The following FSIP1 variants were observed in gnomAD, a reference collection of about 807,000 sequenced individuals.
FSIP1 encodes fibrous sheath-interacting protein 1.
FSIP1 carries 65 observed loss-of-function variants against 60.9 expected under a neutral mutation model. That is an observed-to-expected ratio of 1.07 (90% CI 0.87 to 1.31). FSIP1 has a LOEUF of 1.31. Among genes scored for constraint, FSIP1 ranks in the 40% most tolerant of loss-of-function variants. The pLI is 0.00. For synonymous variants in FSIP1, 209 were observed against 221.2 expected, an observed-to-expected ratio of 0.94 and a Z score of 0.49; for missense variants, 675 against 665.5, an observed-to-expected ratio of 1.01 and a Z score of -0.16.
intron 10 of FSIP1, among the ~76,000 whole-genome samples, chr15:39,687,924 T>C (rs907559578): frequency 4.6e-5 from 7 of 152,136 alleles, no homozygotes; most frequent in Admixed American, 1.3e-4. Context: ...ATGAGATTCT[T>C]AAAGGAATCT....
At chr15:39,609,926 T>C (rs1207948265) in intron 11 of FSIP1, among the ~76,000 whole-genome samples, 1 of 152,206 alleles carries the variant, frequency 6.6e-6, no homozygotes, top group African/African-American at 2.4e-5. Context: ...GGTGTACCTG[T>C]CTGGGGTTGT....
chr15:39,702,029 G>A (rs2664131), intron 10 of FSIP1, among the ~76,000 whole-genome samples: 124,306 of 152,100 alleles, frequency 0.82, 51,217 homozygotes, highest in Non-Finnish European at 0.87. Flanking sequence ...CTCAAACCCA[G>A]AGCCTACCTT....
In FSIP1 at chr15:39,600,568, C is replaced by T. The variant is rs139063496; in HGVS notation, c.*312G>A. The T allele has an allele frequency of 2.2e-4, 47 of 215,416 alleles. 1 individual carries two copies. In the East Asian group the frequency reaches 5.6e-3, roughly 26 times the overall value. 13.3% of individuals were successfully genotyped at this position (215,416 alleles called of 1,614,324 possible). On this transcript the variant is annotated 3_prime_UTR_variant, in exon 12 of 12. Transcript: ENST00000350221. ...AAAATTGAATACAGGACAATCACAG[C>T]ACTTCAACGAGTTTTACCCTAACAC...
In FSIP1 at chr15:39,647,748, T is replaced by TA. The variant is rs550091844; in HGVS notation, c.1189-29504dup. Among the ~76,000 whole-genome samples the TA allele has an allele frequency of 1.8e-3, 271 of 147,058 alleles. 2 individuals are homozygous for TA. The highest frequency in any genetic ancestry group is 0.018 in the Middle Eastern group (5 of 282). On this transcript the variant is annotated intron_variant, in intron 10 of 11. Coordinates refer to ENST00000350221, the MANE Select transcript of FSIP1 (RefSeq NM_152597.5). ...ACCATGAATAGGAGAGGGAAGGCAT[T>TA]AAAAAAAAAAGACTTCTTAAGGTCA...
rs540022333 is a variant in FSIP1 at position 39,672,802 on chromosome 15, T to C, written c.1188+40642A>G. Among the ~76,000 whole-genome samples, 73 of 152,276 alleles carry C rather than the reference T, an allele frequency of 4.8e-4. 1 individual carries two copies. Among genetic ancestry groups the C allele is most frequent in the African/African-American group, 1.6e-3 (68 of 41,542 alleles). Reference sequence around the variant, plus strand: ...TTTCATTCCAAATGTTCATAATCACTGTAATCTGTTCCAAGTGTCCTCCCA... The same window carrying C: ...TTTCATTCCAAATGTTCATAATCACCGTAATCTGTTCCAAGTGTCCTCCCA... On this transcript the variant is annotated intron_variant, in intron 10 of 11. Transcript: ENST00000350221.
At chr15:39,710,412 T>C (rs941871738) in intron 10 of FSIP1, among the ~76,000 whole-genome samples, 3 of 146,652 alleles carry the variant, frequency 2.0e-5, no homozygotes, top group Admixed American at 6.8e-5. Flanking sequence ...GCACTCCAAC[T>C]TGGGCGACAG....
chr15:39,682,098 A>G (rs1176961925), intron 10 of FSIP1, among the ~76,000 whole-genome samples: 4 of 152,194 alleles, frequency 2.6e-5, no homozygotes, highest in African/African-American at 4.8e-5. Flanking sequence ...TGCAAATAAA[A>G]TGGTCTCAAT....
Position 39,667,301 on chromosome 15 carries a change from A to G in FSIP1, c.1188+46143T>C, listed in dbSNP as rs569476715. Among the ~76,000 whole-genome samples the G allele has an allele frequency of 5.9e-5, 9 of 152,336 alleles. No homozygotes were observed. The South Asian group carries it at 1.9e-3, about 32-fold the overall frequency. ...CATACACTATAATATCATGAAGAGT[A>G]CAAAGCTTAAAAAAAGAATTTAAGT... On this transcript the variant is annotated intron_variant, in intron 10 of 11. Transcript: ENST00000350221.
rs769816459 is a variant in FSIP1, at chr15:39,738,172, A to G, written c.810T>C (p.Val270=). 9 of 1,612,494 alleles carry G rather than the reference A, an allele frequency of 5.6e-6. No homozygotes were observed. The highest frequency in any genetic ancestry group is 7.6e-6 in the Non-Finnish European group (9 of 1,179,308). The change falls in exon 8 of 12, where the codon GTT becomes GTC. Residue 270 remains valine, a synonymous_variant. Transcript: ENST00000350221. ...ELAKESRNPV[V]MVDREKKRLV... is the part of the protein sequence containing the mutation. ...GCCTTTTCTTCTCTCTGTCAACCAT[A>G]ACCACTGGGTTTCTTGATTCCTTGG...
chr15:39,653,128 A>T (rs1892939931), intron 10 of FSIP1, among the ~76,000 whole-genome samples: 1 of 149,168 alleles, frequency 6.7e-6, no homozygotes, highest in Non-Finnish European at 1.5e-5. Context: ...GTGAGTGGAG[A>T]CCACGCCAGT....
At chr15:39,689,288 T>C (rs948120904) in intron 10 of FSIP1, among the ~76,000 whole-genome samples, 1 of 152,124 alleles carries the variant, frequency 6.6e-6, no homozygotes, top group East Asian at 1.9e-4. Flanking sequence ...CCAAAAGCTC[T>C]CCAAAACCCA....
chr15:39,629,268 G>A (rs765056552), intron 10 of FSIP1, among the ~76,000 whole-genome samples: 1 of 152,140 alleles, frequency 6.6e-6, no homozygotes, highest in Non-Finnish European at 1.5e-5. Context: ...GTAAAGATTG[G>A]CATGTGATTC....
At chr15:39,619,845 A>C (rs1430831336) in intron 10 of FSIP1, among the ~76,000 whole-genome samples, 1 of 152,124 alleles carries the variant, frequency 6.6e-6, no homozygotes, top group Non-Finnish European at 1.5e-5. Flanking sequence ...TTATGATGAA[A>C]TTTTTAGACA....
At chr15:39,741,680 G>A in intron 6 of FSIP1, 125 bp downstream of exon 6, 1 of 560,774 alleles carries the variant, frequency 1.8e-6, no homozygotes, top group East Asian at 2.9e-5. Flanking sequence ...GTGTCATCTT[G>A]AACTCTACTT....
At chr15:39,662,935 C>A (rs1893357935) in intron 10 of FSIP1, among the ~76,000 whole-genome samples, 1 of 152,062 alleles carries the variant, frequency 6.6e-6, no homozygotes, top group African/African-American at 2.4e-5. Flanking sequence ...ATATTCTATG[C>A]ATTTTCTCAC....
chr15:39,775,477 G>A (rs927056700), intron 2 of FSIP1, among the ~76,000 whole-genome samples: 8 of 148,268 alleles, frequency 5.4e-5, no homozygotes, highest in Non-Finnish European at 1.1e-4. Flanking sequence ...AAGTCTAGAA[G>A]TCTAGATATT....
At chr15:39,638,594 T>C (rs867093077) in intron 10 of FSIP1, among the ~76,000 whole-genome samples, 3 of 152,248 alleles carry the variant, frequency 2.0e-5, no homozygotes, top group Non-Finnish European at 4.4e-5. Flanking sequence ...GTATTTTAAT[T>C]TATCCATTTG....
At chr15:39,709,133 G>A (rs1480631244) in intron 10 of FSIP1, among the ~76,000 whole-genome samples, 1 of 152,184 alleles carries the variant, frequency 6.6e-6, no homozygotes, top group Non-Finnish European at 1.5e-5. Flanking sequence ...CCTAGATGCA[G>A]GCGTTTCCAG....
chr15:39,671,524 T>C (rs1048303297), intron 10 of FSIP1, among the ~76,000 whole-genome samples: 1 of 152,204 alleles, frequency 6.6e-6, no homozygotes, highest in Non-Finnish European at 1.5e-5. Context: ...TTTCATTCTA[T>C]GCTACTACCC....
Sources: gnomAD v4.1 joint callset for allele counts (sites outside exome capture counted in the v4.1 genomes callset) on GRCh38, gnomAD v4.1.1 for gene constraint, MANE v1.5 for transcripts, NCBI Gene and HGNC (gene_info 2026-07-23, HGNC 2026-07-21) for gene names.